LRBA: variants seen among roughly 807,000 people sequenced by gnomAD.
LRBA encodes LPS responsive beige-like anchor protein.
LRBA carries 176 observed loss-of-function variants against 330.0 expected under a neutral mutation model. The ratio of observed to expected loss-of-function variants is 0.53; its 90% CI spans 0.47 to 0.60. LRBA has a LOEUF of 0.60. Ranked by LOEUF, LRBA falls within the 20% of genes least tolerant of loss-of-function variation. The probability of loss-of-function intolerance (pLI) is 0.00; values close to 1 mark genes in which losing one functional copy is unlikely to be tolerated. For missense variants in LRBA, 3,259 were observed against 3,444.8 expected (o/e 0.95, Z 1.35); for synonymous variants, 1,230 against 1,193.0 (o/e 1.03, Z -0.64).
At position 150,805,605 on chromosome 4, in the gene LRBA, A is replaced by AAAG. The variant is rs1560842972; in HGVS notation, c.5518+665_5518+666insCTT. 2.8e-4 allele frequency among the ~76,000 whole-genome samples: 18 copies of AAAG among 64,024 alleles called. 1 individual carries two copies. Among genetic ancestry groups the AAAG allele is most frequent in the African/African-American group, 6.9e-4 (11 of 15,990 alleles). 42.0% of individuals were successfully genotyped at this position (64,024 alleles called of 152,430 possible). ...GGAAAGGAAAGGAAAGGAAAGGAAA[A>AAAG]GAAAGGAAAGGAAAGGAAAGGAGAA... On this transcript the variant is annotated intron_variant, in intron 33 of 56. Transcript: ENST00000651943.
At chr4:150,756,505 T>C (rs1382092251) in intron 35 of LRBA, among the ~76,000 whole-genome samples, 1 of 152,192 alleles carries the variant, frequency 6.6e-6, no homozygotes, top group Admixed American at 6.5e-5. Context: ...TCAAGATTCA[T>C]TGGCAAAGAA....
At position 150,350,017 on chromosome 4, in the gene LRBA, G is replaced by A; in HGVS notation, c.7337C>T (p.Ser2446Leu). Reference sequence around the variant, plus strand: ...CTCTCTCAACACAGGATCAGTTATTGAATTCAGATTGACAGCTCCTTCATA... The same window carrying A: ...CTCTCTCAACACAGGATCAGTTATTAAATTCAGATTGACAGCTCCTTCATA... ...LTYEGAVNLN[S>L]ITDPVLREAV... Residue 2446 changes from serine (S) to leucine (L), a missense_variant, in exon 48 of 57, where the codon TCA becomes TTA. Coordinates refer to ENST00000651943, the MANE Select transcript of LRBA (RefSeq NM_001364905.1). The A allele has an allele frequency of 6.2e-7, 1 of 1,613,554 alleles. No individual in the cohort carries two copies. Among genetic ancestry groups the A allele is most frequent in the Non-Finnish European group, 8.5e-7 (1 of 1,179,720 alleles).
Position 150,588,040 on chromosome 4 carries a change from C to T in LRBA, c.6330+8G>A, listed in dbSNP as rs909281988. ...ATAAGAAAAAATGAAACCCCTTCAT[C>T]TTCTCACCTTGGGGTCGATTTTTTT... On this transcript the variant is annotated splice_region_variant and intron_variant, in intron 40 of 56. Coordinates refer to ENST00000651943, the MANE Select transcript of LRBA (RefSeq NM_001364905.1). 4 of 1,610,992 alleles carry T rather than the reference C, an allele frequency of 2.5e-6. No individual in the cohort carries two copies. The highest frequency in any genetic ancestry group is 3.4e-6 in the Non-Finnish European group (4 of 1,178,702).
chr4:150,805,054 T>C (rs996291502), intron 33 of LRBA, among the ~76,000 whole-genome samples: 4 of 152,110 alleles, frequency 2.6e-5, no homozygotes, highest in Admixed American at 2.6e-4. Context: ...AATTATCCTC[T>C]ATTGAACTGC....
At chr4:150,504,506 G>C (rs1760773487) in intron 40 of LRBA, among the ~76,000 whole-genome samples, 2 of 152,112 alleles carry the variant, frequency 1.3e-5, no homozygotes. Context: ...CTTCATAAGT[G>C]AACAAGAAAT....
At chr4:150,473,713 G>A (rs902226339) in intron 42 of LRBA, among the ~76,000 whole-genome samples, 1 of 152,132 alleles carries the variant, frequency 6.6e-6, no homozygotes, top group Non-Finnish European at 1.5e-5. Flanking sequence ...AATTAGGATT[G>A]AATTACACCA....
At position 150,818,532 on chromosome 4, in the gene LRBA, C is replaced by CTCTGTG. The variant is rs200552031; in HGVS notation, c.5172-1276_5172-1275insCACAGA. Among the ~76,000 whole-genome samples the CTCTGTG allele has an allele frequency of 4.8e-3, 694 of 145,902 alleles. 3 individuals are homozygous for CTCTGTG. The highest frequency in any genetic ancestry group is 0.028 in the Middle Eastern group (8 of 282). On this transcript the variant is annotated intron_variant, in intron 30 of 56. Transcript: ENST00000651943. The stretch of plus-strand genomic sequence containing the variant: ...AAGGGGGAGTAGATATGACGAATGT[C>CTCTGTG]TGTGTGTGTGTGTGTGTGTGTGTGT...
rs1764098372 is a variant in LRBA at position 150,531,950 on chromosome 4, C to A, written c.6331-40915G>T. Among the ~76,000 whole-genome samples the A allele has an allele frequency of 3.9e-5, 6 of 152,196 alleles. No individual in the cohort carries two copies. The South Asian group carries it at 1.2e-3, about 31-fold the overall frequency. On this transcript the variant is annotated intron_variant, in intron 40 of 56. Coordinates refer to ENST00000651943, the MANE Select transcript of LRBA (RefSeq NM_001364905.1). ...CATTTAAATATAAATGAAAACTTCA[C>A]ACACATTTGATTAAATGTCCTCTTG...
intron 48 of LRBA, among the ~76,000 whole-genome samples, chr4:150,344,404 C>T (rs1332754858): frequency 2.0e-5 from 3 of 152,206 alleles, no homozygotes; most frequent in Admixed American, 6.5e-5. Context: ...ACTTTCTAAG[C>T]TATTTCTCTA....
chr4:150,354,079 G>C (rs1044473988), intron 47 of LRBA, among the ~76,000 whole-genome samples: 2 of 152,052 alleles, frequency 1.3e-5, no homozygotes, highest in Non-Finnish European at 2.9e-5. Flanking sequence ...TGAGGGGAGA[G>C]AGAAGGACAG....
At chr4:150,794,865 T>G (rs1740541850) in intron 34 of LRBA, among the ~76,000 whole-genome samples, 1 of 152,124 alleles carries the variant, frequency 6.6e-6, no homozygotes, top group South Asian at 2.1e-4. Context: ...GCTCAGACAA[T>G]AATATGTGAT....
At chr4:150,773,338 G>A (rs1031129483) in intron 34 of LRBA, among the ~76,000 whole-genome samples, 10 of 152,168 alleles carry the variant, frequency 6.6e-5, no homozygotes, top group South Asian at 4.1e-4. Context: ...GAAAGAAAAC[G>A]ACTTCTAGTG....
At chr4:150,931,971 A>T (rs1419566414) in intron 2 of LRBA, among the ~76,000 whole-genome samples, 1 of 152,098 alleles carries the variant, frequency 6.6e-6, no homozygotes, top group African/African-American at 2.4e-5. Flanking sequence ...CACTTCTGGG[A>T]GACCAAGGCG....
chr4:150,662,565 T>C (rs1781214464), intron 37 of LRBA, among the ~76,000 whole-genome samples: 1 of 152,218 alleles, frequency 6.6e-6, no homozygotes, highest in African/African-American at 2.4e-5. Flanking sequence ...CTGTATGGTA[T>C]AGATCTGTTT....
intron 40 of LRBA, among the ~76,000 whole-genome samples, chr4:150,586,926 G>A (rs188524768): frequency 2.6e-5 from 4 of 152,126 alleles, no homozygotes; most frequent in Non-Finnish European, 5.9e-5. Context: ...AGAAACTAAT[G>A]CATTTTCAGA....
intron 47 of LRBA, among the ~76,000 whole-genome samples, chr4:150,353,123 C>T (rs541554602): frequency 1.3e-5 from 2 of 151,866 alleles, no homozygotes; most frequent in South Asian, 2.1e-4. Flanking sequence ...CATAAACTGC[C>T]GAAAAGCTCT....
At chr4:150,830,592 C>T (rs534962776) in intron 29 of LRBA, among the ~76,000 whole-genome samples, 101 of 152,046 alleles carry the variant, frequency 6.6e-4, no homozygotes, top group African/African-American at 2.2e-3. Context: ...CCATGCCCAC[C>T]GTGCCCTATC....
intron 40 of LRBA, among the ~76,000 whole-genome samples, chr4:150,545,209 A>G (rs1765727774): frequency 6.6e-6 from 1 of 152,208 alleles, no homozygotes; most frequent in African/African-American, 2.4e-5. Flanking sequence ...TCTCAGTTAA[A>G]AATAATGCAT....
chr4:150,515,022 A>T (rs906496204), intron 40 of LRBA, among the ~76,000 whole-genome samples: 4 of 152,192 alleles, frequency 2.6e-5, no homozygotes, highest in African/African-American at 4.8e-5. Context: ...TGGGGAAAAA[A>T]TAGGAAGCTC....
Sources: allele counts gnomAD v4.1 joint callset (sites outside exome capture counted in the v4.1 genomes callset), GRCh38; gene constraint gnomAD v4.1.1; transcripts MANE v1.5; gene names NCBI Gene and HGNC (gene_info 2026-07-23, HGNC 2026-07-21).